The following UMAD1 variants were observed in gnomAD, a reference collection of about 807,000 sequenced individuals.
UMAD1 encodes the protein UBAP1-MVB12-associated (UMA) domain containing 1, also known as UBAP1-MVB12-associated (UMA)-domain containing protein 1.
A neutral mutation model predicts 6.1 loss-of-function variants in UMAD1; 8 were observed. The ratio of observed to expected loss-of-function variants is 1.30; its 90% confidence interval spans 0.76 to 2.35. The LOEUF (loss-of-function observed/expected upper bound fraction) is 2.35. UMAD1 is among the 30% of genes most tolerant of loss of function. UMAD1 has a pLI of 0.00. For missense variants in UMAD1, 130 were observed against 78.4 expected (o/e 1.66, Z -2.49); for synonymous variants, 56 against 31.4 (o/e 1.78, Z -2.61).
intron 3 of UMAD1, among the ~76,000 whole-genome samples, chr7:7,845,511 C>T (rs923796846): frequency 1.3e-5 from 2 of 152,056 alleles, no homozygotes; most frequent in African/African-American, 4.8e-5. Flanking sequence ...GACTAGTGCC[C>T]TTCTCAGTGA....
chr7:7,827,177 G>GTGTGTGTGTGTGTGTGTGTGTGTGTGTA (rs34214373), intron 3 of UMAD1, among the ~76,000 whole-genome samples: 2 of 147,280 alleles, frequency 1.4e-5, no homozygotes, highest in African/African-American at 5.2e-5. Context: ...GTGTGTGTGT[G>GTGTGTGTGTGTGTGTGTGTGTGTGTGTA]TATCACATGA....
intron 3 of UMAD1, among the ~76,000 whole-genome samples, chr7:7,813,101 A>C (rs998411300): frequency 1.3e-5 from 2 of 152,204 alleles, no homozygotes; most frequent in African/African-American, 4.8e-5. Flanking sequence ...TGAGTGCACC[A>C]GCATGAATAC....
At chr7:7,780,567 C>A (rs1225182443) in intron 2 of UMAD1, among the ~76,000 whole-genome samples, 6 of 152,130 alleles carry the variant, frequency 3.9e-5, no homozygotes, top group African/African-American at 1.4e-4. Flanking sequence ...TCGTTAGCGT[C>A]CAAATCAAGG....
intron 3 of UMAD1, among the ~76,000 whole-genome samples, chr7:7,867,942 A>G (rs993519662): frequency 6.6e-6 from 1 of 151,772 alleles, no homozygotes; most frequent in Non-Finnish European, 1.5e-5. Flanking sequence ...ATGCAGATAC[A>G]TTTGTTGGGG....
chr7:7,754,100 G>T (rs1015776340), intron 2 of UMAD1, among the ~76,000 whole-genome samples: 1 of 152,056 alleles, frequency 6.6e-6, no homozygotes, highest in Admixed American at 6.6e-5. Context: ...CAGGAGAATC[G>T]CTTGAACCTG....
intron 1 of UMAD1, among the ~76,000 whole-genome samples, chr7:7,664,613 C>G (rs982678811): frequency 2.0e-5 from 3 of 152,218 alleles, no homozygotes; most frequent in African/African-American, 7.2e-5. Context: ...GTTGATCCTT[C>G]CTACAGGAAA....
At chr7:7,834,016 CTTTTTTTT>C (rs4034895) in intron 3 of UMAD1, among the ~76,000 whole-genome samples, 14 of 110,480 alleles carry the variant, frequency 1.3e-4, no homozygotes, top group South Asian at 9.0e-4. Context: ...TTTTTCTTTT[CTTTTTTTT>C]TTTTTTTTTT....
chr7:7,661,938 T>C (rs988439021), intron 1 of UMAD1, among the ~76,000 whole-genome samples: 4 of 152,138 alleles, frequency 2.6e-5, no homozygotes, highest in Non-Finnish European at 5.9e-5. Flanking sequence ...GCTCTGTCCC[T>C]GGGAGATGGG....
intron 2 of UMAD1, among the ~76,000 whole-genome samples, chr7:7,771,253 A>C (rs552636511): frequency 6.7e-4 from 102 of 152,316 alleles, no homozygotes; most frequent in Admixed American, 1.2e-3. Flanking sequence ...GGCTTAATTA[A>C]AATAAAGTCT....
intron 3 of UMAD1, among the ~76,000 whole-genome samples, chr7:7,827,583 A>T (rs1222921490): frequency 6.6e-6 from 1 of 152,204 alleles, no homozygotes; most frequent in Non-Finnish European, 1.5e-5. Flanking sequence ...TTTACTTACC[A>T]ACTAAAGATA....
chr7:7,700,059 TG>T (rs1248836375), intron 2 of UMAD1, among the ~76,000 whole-genome samples: 1 of 152,158 alleles, frequency 6.6e-6, no homozygotes, highest in Non-Finnish European at 1.5e-5. Flanking sequence ...CTGTGGAGGG[TG>T]TCTTAGTCAG....
intron 2 of UMAD1, among the ~76,000 whole-genome samples, chr7:7,706,901 G>T (rs557877574): frequency 6.6e-6 from 1 of 152,160 alleles, no homozygotes; most frequent in Non-Finnish European, 1.5e-5. Context: ...AACATTTGCA[G>T]GGGTGGCTAA....
intron 2 of UMAD1, among the ~76,000 whole-genome samples, chr7:7,800,062 T>C (rs1054625002): frequency 1.3e-5 from 2 of 152,194 alleles, no homozygotes; most frequent in Admixed American, 6.5e-5. Flanking sequence ...TTTGTGTTTT[T>C]AGTAGAGACG....
chr7:7,802,150 C>T (rs1304107320), intron 3 of UMAD1, among the ~76,000 whole-genome samples: 2 of 152,194 alleles, frequency 1.3e-5, no homozygotes, highest in East Asian at 1.9e-4. Context: ...GAGGCCTAGG[C>T]GGGTAGATCA....
At chr7:7,771,412 C>G (rs542862944) in intron 2 of UMAD1, among the ~76,000 whole-genome samples, 111 of 152,202 alleles carry the variant, frequency 7.3e-4, no homozygotes, top group Non-Finnish European at 1.1e-3. Context: ...GGTGCCATCG[C>G]TGCGGCAGCC....
At chr7:7,754,171 G>A (rs904295674) in intron 2 of UMAD1, among the ~76,000 whole-genome samples, 5 of 152,016 alleles carry the variant, frequency 3.3e-5, no homozygotes, top group African/African-American at 1.2e-4. Flanking sequence ...GGTGACAAGA[G>A]CAAGACTCCG....
intron 2 of UMAD1, among the ~76,000 whole-genome samples, chr7:7,767,751 C>A (rs1782017974): frequency 6.6e-6 from 1 of 152,138 alleles, no homozygotes. Flanking sequence ...ATTATTATAA[C>A]TCTGTATTAC....
rs1047113760 is a variant in UMAD1 at position 7,673,686 on chromosome 7, T to C, written c.82+233T>C. Among the ~76,000 whole-genome samples the C allele has an allele frequency of 6.1e-5, 9 of 146,942 alleles. No homozygotes were observed. In the East Asian group the frequency reaches 8.2e-4, roughly 13 times the overall value. ...TTGGCTGTGTTCTCCAAGTTAAATGTGTAAAATCACTTCTTTTTCCCCCCC... is the reference window on the plus strand; with the variant it reads ...TTGGCTGTGTTCTCCAAGTTAAATGCGTAAAATCACTTCTTTTTCCCCCCC... On this transcript the variant is annotated intron_variant, in intron 2 of 3. Coordinates refer to ENST00000682710, the MANE Select transcript of UMAD1 (RefSeq NM_001302348.2).
rs567816934 is a variant in UMAD1, at chr7:7,829,658, A to C, written c.156+27915A>C. On this transcript the variant is annotated intron_variant, in intron 3 of 3. Coordinates refer to ENST00000682710, the MANE Select transcript of UMAD1 (RefSeq NM_001302348.2). ...AACATACGTTTCATATTCTGACATG[A>C]TTTTAAATGTAATGAACGAGCATTT... is the stretch of plus-strand genomic sequence containing the variant. Among the ~76,000 whole-genome samples, 3 of 152,228 alleles carry C rather than the reference A, an allele frequency of 2.0e-5. No individual in the cohort carries two copies. The South Asian group carries it at 6.2e-4, about 32-fold the overall frequency.
Sources: allele counts gnomAD v4.1 joint callset (sites outside exome capture counted in the v4.1 genomes callset), GRCh38; gene constraint gnomAD v4.1.1; transcripts MANE v1.5; gene names NCBI Gene and HGNC (gene_info 2026-07-23, HGNC 2026-07-21).